FRRS1L: variants seen among roughly 807,000 people sequenced by gnomAD.
The protein encoded by FRRS1L is DOMON domain-containing protein FRRS1L.
A neutral mutation model predicts 28.6 loss-of-function variants in FRRS1L; 22 were observed. The observed-to-expected ratio is 0.77, with a 90% CI of 0.55 to 1.10. FRRS1L has a LOEUF of 1.10. FRRS1L is among the 50% of genes least tolerant of loss of function. The pLI is 0.00. For missense variants in FRRS1L, 380 were observed against 386.9 expected, an observed-to-expected ratio of 0.98 and a Z score of 0.15; for synonymous variants, 158 against 151.4, an observed-to-expected ratio of 1.04 and a Z score of -0.32.
chr9:109,164,224 GGTA>G (rs774711723), intron 1 of FRRS1L, among the ~76,000 whole-genome samples: 31 of 152,140 alleles, frequency 2.0e-4, no homozygotes, highest in East Asian at 1.2e-3. Flanking sequence ...ACCGGATGGT[GGTA>G]GAATCTGTAT....
At chr9:109,156,709 G>C in intron 1 of FRRS1L, among the ~76,000 whole-genome samples, 1 of 137,398 alleles carries the variant, frequency 7.3e-6, no homozygotes, top group East Asian at 2.1e-4. Flanking sequence ...TTTTTTTTGA[G>C]ACGGGGTCTT....
intron 1 of FRRS1L, among the ~76,000 whole-genome samples, chr9:109,162,691 T>C (rs530822459): frequency 7.1e-4 from 108 of 152,302 alleles, no homozygotes; most frequent in African/African-American, 2.6e-3. Context: ...AAAGATAAAT[T>C]AGATGTAAAT....
chr9:109,153,567 T>A (rs1831363841), intron 1 of FRRS1L, among the ~76,000 whole-genome samples: 1 of 152,144 alleles, frequency 6.6e-6, no homozygotes, highest in Non-Finnish European at 1.5e-5. Flanking sequence ...AAATAGCACT[T>A]TTTTTTCCCT....
At chr9:109,140,738 C>T (rs548494898) in intron 4 of FRRS1L, 1 of 150,588 alleles carries the variant, frequency 6.6e-6, no homozygotes, top group South Asian at 2.1e-4. Context: ...TGAATGGAGA[C>T]AGGGTCTCAC....
intron 1 of FRRS1L, among the ~76,000 whole-genome samples, chr9:109,155,557 T>C (rs553987042): frequency 6.6e-6 from 1 of 151,532 alleles, no homozygotes; most frequent in South Asian, 2.1e-4. Context: ...CTACTAAAAA[T>C]ACAAAAATAA....
In FRRS1L at chr9:109,135,244, C is replaced by T. The variant is rs1013759587; in HGVS notation, c.*2211G>A. The T allele has an allele frequency of 5.9e-5, 9 of 152,156 alleles. No homozygotes were observed. Among genetic ancestry groups the T allele is most frequent in the African/African-American group, 1.7e-4 (7 of 41,440 alleles). The allele number at this position is 152,156 out of a possible 1,614,324, so 9.4% of individuals were successfully genotyped here. ...CACGAAGTTGGAACCAGCTTTAAAGCAACAAGGGCAAGCCAGAGAACTCTA... is the reference window on the plus strand; with the variant it reads ...CACGAAGTTGGAACCAGCTTTAAAGTAACAAGGGCAAGCCAGAGAACTCTA... On this transcript the variant is annotated 3_prime_UTR_variant, in exon 5 of 5. Coordinates refer to ENST00000561981, the MANE Select transcript of FRRS1L (RefSeq NM_014334.4).
rs927484840 is a variant in FRRS1L, at chr9:109,147,379, A to G, written c.324-190T>C. The G allele has an allele frequency of 3.7e-5, 21 of 565,010 alleles. No individual in the cohort carries two copies. In the Admixed American group the frequency reaches 6.6e-4, roughly 18 times the overall value. 35.0% of individuals were successfully genotyped at this position (565,010 alleles called of 1,614,324 possible). On this transcript the variant is annotated intron_variant, in intron 2 of 4. Coordinates refer to ENST00000561981, the MANE Select transcript of FRRS1L (RefSeq NM_014334.4). ...TTAGAGATGATCTGCCCCACTTTGT[A>G]CACAAGAACTGCAGTCCTGAGATGG...
In FRRS1L at chr9:109,137,068, T is replaced by G. The variant is rs1331416296; in HGVS notation, c.*387A>C. On this transcript the variant is annotated 3_prime_UTR_variant, in exon 5 of 5. Coordinates refer to ENST00000561981, the MANE Select transcript of FRRS1L (RefSeq NM_014334.4). ...GACATGATTTCTATACTTAGTTCCT[T>G]CTCTGCCTTTCTATTTGTCATTTCT... 1.3e-5 allele frequency: 2 copies of G among 154,174 alleles called. No individual in the cohort carries two copies. The highest frequency in any genetic ancestry group is 4.8e-5 in the African/African-American group (2 of 41,498). 9.6% of individuals were successfully genotyped at this position (154,174 alleles called of 1,614,324 possible).
chr9:109,147,571 T>G (rs1289585967), intron 2 of FRRS1L: 1 of 160,712 alleles, frequency 6.2e-6, no homozygotes, highest in African/African-American at 2.4e-5. Context: ...GGAAAAAGAT[T>G]CTCCAAGTTA....
intron 2 of FRRS1L, 30 bp from the exon 3 acceptor site, chr9:109,147,219 G>A (rs749761810): frequency 4.4e-6 from 7 of 1,590,112 alleles, no homozygotes; most frequent in Non-Finnish European, 6.0e-6. Context: ...AGACTTTACT[G>A]CTTCTACTTA....
intron 3 of FRRS1L, among the ~76,000 whole-genome samples, chr9:109,144,923 G>A (rs1021539046): frequency 2.6e-5 from 4 of 152,058 alleles, no homozygotes; most frequent in Non-Finnish European, 4.4e-5. Flanking sequence ...GACCTCAGGC[G>A]ATCCACCTGC....
chr9:109,160,003 A>C (rs1831460700), intron 1 of FRRS1L, among the ~76,000 whole-genome samples: 1 of 152,216 alleles, frequency 6.6e-6, no homozygotes, highest in Admixed American at 6.5e-5. Context: ...CTGTCTTATT[A>C]ATATTTTCAA....
At chr9:109,143,537 G>A (rs1472058455) in intron 3 of FRRS1L, among the ~76,000 whole-genome samples, 7 of 93,486 alleles carry the variant, frequency 7.5e-5, no homozygotes, top group Middle Eastern at 6.4e-3. Context: ...TTTTTTCCCC[G>A]ACAGAGTCTC....
At chr9:109,141,934 A>T (rs1831193530) in intron 3 of FRRS1L, among the ~76,000 whole-genome samples, 2 of 151,802 alleles carry the variant, frequency 1.3e-5, no homozygotes, top group Admixed American at 6.6e-5. Context: ...TCAAGGAGTC[A>T]GTGTCATAAA....
intron 1 of FRRS1L, among the ~76,000 whole-genome samples, chr9:109,152,358 C>T (rs1588101272): frequency 6.6e-6 from 1 of 151,914 alleles, no homozygotes; most frequent in African/African-American, 2.4e-5. Flanking sequence ...CCATGTTGGT[C>T]AGGCTGGTCT....
chr9:109,161,152 C>T (rs1831475792), intron 1 of FRRS1L, among the ~76,000 whole-genome samples: 1 of 151,942 alleles, frequency 6.6e-6, no homozygotes, highest in Non-Finnish European at 1.5e-5. Flanking sequence ...ATCTCCCCTA[C>T]ACCTACCTGT....
At position 109,156,474 on chromosome 9, in the gene FRRS1L, C is replaced by T. The variant is rs563965286; in HGVS notation, c.239-6754G>A. On this transcript the variant is annotated intron_variant, in intron 1 of 4. Transcript: ENST00000561981. Reference sequence around the variant, plus strand: ...CACGATCTCGCCTCACTGCAACCTCCACCTCCCGGGTTCAAGCGATTCTCC... The same window carrying T: ...CACGATCTCGCCTCACTGCAACCTCTACCTCCCGGGTTCAAGCGATTCTCC... Among the ~76,000 whole-genome samples, 44 of 152,202 alleles carry T rather than the reference C, an allele frequency of 2.9e-4. No individual in the cohort carries two copies. The South Asian group carries it at 6.2e-3, about 22-fold the overall frequency.
In FRRS1L at chr9:109,141,605, A is replaced by G; in HGVS notation, c.463-16T>C. 6.3e-7 allele frequency: 1 copy of G among 1,587,916 alleles called. No homozygotes were observed. The highest frequency in any genetic ancestry group is 8.6e-7 in the Non-Finnish European group (1 of 1,166,076). On this transcript the variant is annotated splice_polypyrimidine_tract_variant and intron_variant, in intron 3 of 4. Coordinates refer to ENST00000561981, the MANE Select transcript of FRRS1L (RefSeq NM_014334.4). ...CATCACCACCCTAACATGAGAAATG[A>G]TTGAGAAAAAAAAAAGTCAAAGGTT...
At chr9:109,158,597 C>A (rs1831439531) in intron 1 of FRRS1L, among the ~76,000 whole-genome samples, 1 of 152,190 alleles carries the variant, frequency 6.6e-6, no homozygotes, top group South Asian at 2.1e-4. Flanking sequence ...AACATGTGGT[C>A]TTTTGTGTCT....
Sources: allele counts gnomAD v4.1 joint callset (sites outside exome capture counted in the v4.1 genomes callset), GRCh38; gene constraint gnomAD v4.1.1; transcripts MANE v1.5; gene names NCBI Gene and HGNC (gene_info 2026-07-23, HGNC 2026-07-21).